The following OXR1 variants were observed in gnomAD, a reference collection of about 807,000 sequenced individuals.
The protein encoded by OXR1 is oxidation resistance 1.
In OXR1, 41 loss-of-function variants were observed where a neutral mutation model predicts 104.6. The ratio of observed to expected loss-of-function variants is 0.39; its 90% CI spans 0.31 to 0.51. OXR1 has a LOEUF of 0.51. Ranked by LOEUF, OXR1 falls within the 20% of genes least tolerant of loss-of-function variation. OXR1 has a pLI of 0.77. For missense variants in OXR1, 955 were observed against 1,031.9 expected (o/e 0.93, Z 1.02); for synonymous variants, 348 against 348.4 (o/e 1.00, Z 0.01).
At chr8:106,700,137 G>A (rs1003058464) in intron 7 of OXR1, among the ~76,000 whole-genome samples, 2 of 152,108 alleles carry the variant, frequency 1.3e-5, no homozygotes, top group African/African-American at 4.8e-5. Flanking sequence ...TAATACAAAA[G>A]AATAATCTGT....
intron 7 of OXR1, among the ~76,000 whole-genome samples, chr8:106,699,441 A>G (rs1830392121): frequency 6.6e-6 from 1 of 152,152 alleles, no homozygotes; most frequent in Non-Finnish European, 1.5e-5. Context: ...TCCACTCAGT[A>G]TGCTTCGGTA....
chr8:106,350,821 G>A (rs1023750389), intron 1 of OXR1, among the ~76,000 whole-genome samples: 1 of 152,142 alleles, frequency 6.6e-6, no homozygotes, highest in African/African-American at 2.4e-5. Context: ...TTTGTGCAAC[G>A]ATTGGGGAAA....
chr8:106,445,182 C>A (rs1449390104), intron 2 of OXR1, among the ~76,000 whole-genome samples: 1 of 152,180 alleles, frequency 6.6e-6, no homozygotes, highest in Non-Finnish European at 1.5e-5. Flanking sequence ...GACAAACACA[C>A]TCATCTTACG....
chr8:106,576,649 A>G (rs1817861435), intron 3 of OXR1, among the ~76,000 whole-genome samples: 1 of 152,042 alleles, frequency 6.6e-6, no homozygotes, highest in Admixed American at 6.6e-5. Context: ...TTTAAAAATC[A>G]TTATTTAGGC....
At chr8:106,566,733 A>G (rs966592107) in intron 3 of OXR1, among the ~76,000 whole-genome samples, 3 of 152,238 alleles carry the variant, frequency 2.0e-5, no homozygotes, top group African/African-American at 7.2e-5. Flanking sequence ...ATGCCCATCA[A>G]TGTTAGACTG....
intron 2 of OXR1, among the ~76,000 whole-genome samples, chr8:106,500,199 C>T (rs146201912): frequency 0.012 from 1,890 of 152,274 alleles, 30 homozygotes; most frequent in East Asian, 0.08. Flanking sequence ...GAAAGACCCT[C>T]TCATATTATT....
intron 2 of OXR1, among the ~76,000 whole-genome samples, chr8:106,421,736 C>T (rs1228842651): frequency 9.6e-6 from 1 of 104,456 alleles, no homozygotes; most frequent in Non-Finnish European, 1.9e-5. Flanking sequence ...GAAACTATAT[C>T]AAATTTGCTT....
chr8:106,510,286 T>C (rs1241411219), intron 2 of OXR1, among the ~76,000 whole-genome samples: 1 of 152,236 alleles, frequency 6.6e-6, no homozygotes, highest in African/African-American at 2.4e-5. Context: ...ACTCTATGAC[T>C]AGCTCTGTGC....
intron 1 of OXR1, among the ~76,000 whole-genome samples, chr8:106,309,773 A>G (rs1813620631): frequency 1.3e-5 from 2 of 150,628 alleles, no homozygotes; most frequent in Non-Finnish European, 3.0e-5. Flanking sequence ...ATAAAAATAT[A>G]TATACACATA....
chr8:106,329,801 G>C (rs1814635614), intron 1 of OXR1, among the ~76,000 whole-genome samples: 2 of 152,116 alleles, frequency 1.3e-5, no homozygotes. Flanking sequence ...TGAGCGGGTT[G>C]CATGGGTGTG....
At chr8:106,648,454 T>C (rs1453589089) in intron 3 of OXR1, among the ~76,000 whole-genome samples, 1 of 152,246 alleles carries the variant, frequency 6.6e-6, no homozygotes, top group Non-Finnish European at 1.5e-5. Flanking sequence ...CTGATGATAT[T>C]CTTTTAGTAT....
At chr8:106,672,799 A>C (rs1343451303) in intron 3 of OXR1, among the ~76,000 whole-genome samples, 1 of 152,054 alleles carries the variant, frequency 6.6e-6, no homozygotes, top group African/African-American at 2.4e-5. Flanking sequence ...TGGTTTTATA[A>C]GTGTTTGATA....
chr8:106,499,725 C>T (rs1269667296), intron 2 of OXR1, among the ~76,000 whole-genome samples: 3 of 152,170 alleles, frequency 2.0e-5, no homozygotes, highest in East Asian at 1.9e-4. Context: ...TTTCATGTCA[C>T]GGGAGAAAGG....
intron 1 of OXR1, among the ~76,000 whole-genome samples, chr8:106,340,789 G>A (rs968600245): frequency 6.6e-6 from 1 of 152,032 alleles, no homozygotes; most frequent in African/African-American, 2.4e-5. Flanking sequence ...AAACCACCAA[G>A]GAACACAGCA....
At position 106,692,841 on chromosome 8, in the gene OXR1, T is replaced by C. The variant is rs1419474859; in HGVS notation, c.639T>C (p.Phe213=). 1.2e-6 allele frequency: 2 copies of C among 1,606,802 alleles called. No homozygotes were observed. Among genetic ancestry groups the C allele is most frequent in the Non-Finnish European group, 1.7e-6 (2 of 1,175,130 alleles). Residue 213 remains phenylalanine (F), a synonymous_variant, in exon 7 of 17, where the codon TTT becomes TTC. Transcript: ENST00000517566. The stretch of plus-strand genomic sequence containing the variant: ...AGGAGGAAGCATTTACTGAGAAATT[T>C]CTTAAAATTAATTGCAAATATATTA... ...SEEEEAFTEK[F]LKINCKYITS...
intron 3 of OXR1, among the ~76,000 whole-genome samples, chr8:106,617,417 A>G (rs1212695704): frequency 6.6e-6 from 1 of 152,024 alleles, no homozygotes; most frequent in Non-Finnish European, 1.5e-5. Context: ...TGACAGAGCA[A>G]GGCTCCATCT....
chr8:106,733,136 C>T (rs566916386), intron 11 of OXR1, among the ~76,000 whole-genome samples: 5 of 152,274 alleles, frequency 3.3e-5, no homozygotes, highest in Non-Finnish European at 7.4e-5. Flanking sequence ...AAGTGATCCT[C>T]TCACCTCAGC....
intron 1 of OXR1, among the ~76,000 whole-genome samples, chr8:106,329,639 G>A (rs1422201191): frequency 1.3e-5 from 2 of 152,140 alleles, no homozygotes; most frequent in Non-Finnish European, 2.9e-5. Flanking sequence ...GAGCCACCGC[G>A]CCCAGCCATC....
At chr8:106,657,748 C>T (rs78243574) in intron 3 of OXR1, 11,239 of 923,642 alleles carry the variant, frequency 0.012, 120 homozygotes, top group Admixed American at 0.051. Flanking sequence ...TTAGAAGCCA[C>T]AAGAAAAACT....
Sources: allele counts gnomAD v4.1 joint callset (sites outside exome capture counted in the v4.1 genomes callset), GRCh38; gene constraint gnomAD v4.1.1; transcripts MANE v1.5; gene names NCBI Gene and HGNC (gene_info 2026-07-23, HGNC 2026-07-21).